The following LYRM4 variants were observed in gnomAD, a reference collection of about 807,000 sequenced individuals.
LYRM4 encodes LYR motif-containing protein 4.
LYRM4 carries 9 observed loss-of-function variants against 11.7 expected under a neutral mutation model. That is an observed-to-expected ratio of 0.77 (90% CI 0.46 to 1.34). The LOEUF is 1.34. LYRM4 is among the 40% of genes most tolerant of loss of function. LYRM4 has a pLI of 0.00. For missense variants in LYRM4, 133 were observed against 112.5 expected, an observed-to-expected ratio of 1.18 and a Z score of -0.82; for synonymous variants, 42 against 40.4, an observed-to-expected ratio of 1.04 and a Z score of -0.15.
At chr6:5,049,858 C>T in the LYRM4 span, among the ~76,000 whole-genome samples, 2,124 of 152,242 alleles carry the variant, frequency 0.014, 57 homozygotes, top group African/African-American at 0.049. Flanking sequence ...TTAGTAGAGA[C>T]GGGGTTTCAT....
intron 2 of LYRM4, among the ~76,000 whole-genome samples, chr6:5,194,925 CTTT>C (rs1054128124): frequency 6.6e-6 from 1 of 152,226 alleles, no homozygotes; most frequent in African/African-American, 2.4e-5. Flanking sequence ...TAGCTTCTGG[CTTT>C]ACAGAATTCA....
intron 1 of LYRM4, among the ~76,000 whole-genome samples, chr6:5,226,142 C>G (rs1183649155): frequency 6.6e-6 from 1 of 152,132 alleles, no homozygotes; most frequent in African/African-American, 2.4e-5. Context: ...GAAATGTTCA[C>G]TTTTTGTGTG....
chr6:5,158,356 C>A (rs1194164178), intron 2 of LYRM4, among the ~76,000 whole-genome samples: 1 of 152,064 alleles, frequency 6.6e-6, no homozygotes, highest in Non-Finnish European at 1.5e-5. Context: ...TGCACTGTCA[C>A]AAACCACGAT....
chr6:5,096,359 G>A, the LYRM4 span, among the ~76,000 whole-genome samples: 2 of 151,914 alleles, frequency 1.3e-5, no homozygotes, highest in African/African-American at 2.4e-5. Context: ...TTGTAGTGGC[G>A]CACACCTGTA....
rs190099017 is a variant in LYRM4 at position 5,151,229 on chromosome 6, G to A, written c.208-41738C>T. ...CTCCTGAGTAGCTGGGACTACAGAT[G>A]CGTGCCACCATGCCCAGCTAATTTT... is the stretch of plus-strand genomic sequence containing the variant. On this transcript the variant is annotated intron_variant, in intron 2 of 2. Coordinates refer to ENST00000330636, the MANE Select transcript of LYRM4 (RefSeq NM_020408.6). Among the ~76,000 whole-genome samples, 177 of 152,090 alleles carry A rather than the reference G, an allele frequency of 1.2e-3. 1 individual carries two copies. Among genetic ancestry groups the A allele is most frequent in the African/African-American group, 4.1e-3 (170 of 41,498 alleles).
intron 2 of LYRM4, among the ~76,000 whole-genome samples, chr6:5,115,057 T>G (rs1763057543): frequency 6.6e-6 from 1 of 152,338 alleles, no homozygotes; most frequent in South Asian, 2.1e-4. Flanking sequence ...TTAAGGAATA[T>G]TTTCAGTAAC....
chr6:5,066,899 A>G, the LYRM4 span: 1 of 1,160,986 alleles, frequency 8.6e-7, no homozygotes, highest in Non-Finnish European at 1.2e-6. Context: ...TCGCCGCTCC[A>G]GACCCTAAAA....
chr6:5,216,724 C>G lies in LYRM4; in HGVS notation c.101G>C (p.Arg34Thr). The G allele has an allele frequency of 6.2e-7, 1 of 1,613,168 alleles. No homozygotes were observed. Among genetic ancestry groups the G allele is most frequent in the Non-Finnish European group, 8.5e-7 (1 of 1,179,964 alleles). Residue 34 changes from arginine (R) to threonine (T), a missense_variant, in exon 2 of 3, where the codon AGG becomes ACG. By Grantham distance (71) the Arg-to-Thr change is moderately conservative. Coordinates refer to ENST00000330636, the MANE Select transcript of LYRM4 (RefSeq NM_020408.6). ...TTCTCTGAAGGCATCTCTTATCCTCCTGACAGCATATGTTCTAAATGAATT... is the reference window on the plus strand; with the variant it reads ...TTCTCTGAAGGCATCTCTTATCCTCGTGACAGCATATGTTCTAAATGAATT... ...SAYNYRTYAV[R>T]RIRDAFRENK...
chr6:5,097,157 C>T, the LYRM4 span, among the ~76,000 whole-genome samples: 1 of 152,214 alleles, frequency 6.6e-6, no homozygotes, highest in East Asian at 1.9e-4. Context: ...GGTGGAGACT[C>T]TCTGCAGAAT....
chr6:5,136,595 C>T (rs1757113810), intron 2 of LYRM4: 2 of 984,474 alleles, frequency 2.0e-6, no homozygotes, highest in African/African-American at 1.7e-5. Context: ...TGGCACACAG[C>T]TTTCAATTAA....
rs545783685 is a variant in LYRM4, at chr6:5,215,165, C to G, written c.207+1453G>C. 5.9e-5 allele frequency among the ~76,000 whole-genome samples: 9 copies of G among 152,190 alleles called. No individual in the cohort carries two copies. The South Asian group carries it at 1.7e-3, about 28-fold the overall frequency. On this transcript the variant is annotated intron_variant, in intron 2 of 2. Coordinates refer to ENST00000330636, the MANE Select transcript of LYRM4 (RefSeq NM_020408.6). The stretch of plus-strand genomic sequence containing the variant: ...CCCCCTTTTCTAGGCAGTTTATACT[C>G]TGGATAATTTTACGCTAAAGATAAA...
chr6:5,177,588 G>A (rs771837326), intron 2 of LYRM4, among the ~76,000 whole-genome samples: 2 of 152,188 alleles, frequency 1.3e-5, no homozygotes, highest in Non-Finnish European at 2.9e-5. Flanking sequence ...CTGCCGCTCT[G>A]GCTTGAGGAA....
intron 2 of LYRM4, among the ~76,000 whole-genome samples, chr6:5,141,034 A>G (rs186794324): frequency 1.1e-4 from 16 of 152,376 alleles, no homozygotes; most frequent in Non-Finnish European, 2.4e-4. Flanking sequence ...CCTTATGGTT[A>G]TAATTATTCT....
At chr6:5,120,327 G>A (rs1030226797) in intron 2 of LYRM4, among the ~76,000 whole-genome samples, 16 of 152,200 alleles carry the variant, frequency 1.1e-4, no homozygotes, top group Non-Finnish European at 7.3e-5. Flanking sequence ...TGTTAAGGCA[G>A]AGGTTCCTAT....
chr6:5,198,799 C>G (rs1761218878), intron 2 of LYRM4, among the ~76,000 whole-genome samples: 1 of 152,172 alleles, frequency 6.6e-6, no homozygotes, highest in Non-Finnish European at 1.5e-5. Flanking sequence ...GTAACTAGGT[C>G]AACGTTAGCC....
intron 1 of LYRM4, among the ~76,000 whole-genome samples, chr6:5,236,964 C>T (rs900498453): frequency 4.6e-5 from 7 of 152,002 alleles, no homozygotes; most frequent in African/African-American, 1.7e-4. Context: ...CTTAAAAAGA[C>T]AATCTCTAAG....
intron 1 of LYRM4, among the ~76,000 whole-genome samples, chr6:5,253,091 C>T (rs1764508846): frequency 6.6e-6 from 1 of 152,140 alleles, no homozygotes; most frequent in Non-Finnish European, 1.5e-5. Flanking sequence ...TAATAGGAGG[C>T]TCATTTTGAT....
At chr6:5,223,542 G>A (rs962529595) in intron 1 of LYRM4, among the ~76,000 whole-genome samples, 4 of 152,104 alleles carry the variant, frequency 2.6e-5, no homozygotes, top group African/African-American at 4.8e-5. Context: ...GTATAAAGCC[G>A]AGTGGTTGTC....
At chr6:5,208,476 G>C (rs545695753) in intron 2 of LYRM4, among the ~76,000 whole-genome samples, 1 of 152,208 alleles carries the variant, frequency 6.6e-6, no homozygotes, top group East Asian at 1.9e-4. Context: ...TCTTGCAAAA[G>C]TTTTCTATAC....
Sources: gnomAD v4.1 joint callset for allele counts (sites outside exome capture counted in the v4.1 genomes callset) on GRCh38, gnomAD v4.1.1 for gene constraint, MANE v1.5 for transcripts, NCBI Gene and HGNC (gene_info 2026-07-23, HGNC 2026-07-21) for gene names.